ROBO1: variants seen among roughly 807,000 people sequenced by gnomAD.
ROBO1 encodes the protein roundabout homolog 1.
Under a neutral mutation model 195.9 loss-of-function variants are expected in ROBO1, and 149 were observed. That is an observed-to-expected ratio of 0.76 (90% CI 0.67 to 0.87). ROBO1 has a LOEUF of 0.87. Ranked by LOEUF, ROBO1 falls within the 40% of genes least tolerant of loss-of-function variation. ROBO1 has a pLI of 0.00. For synonymous variants in ROBO1, 816 were observed against 733.2 expected, an observed-to-expected ratio of 1.11 and a Z score of -1.82; for missense variants, 1,933 against 2,068.3, an observed-to-expected ratio of 0.93 and a Z score of 1.27.
At chr3:79,609,158 T>C (rs190441001) in intron 1 of ROBO1, among the ~76,000 whole-genome samples, 2 of 151,986 alleles carry the variant, frequency 1.3e-5, no homozygotes, top group East Asian at 3.9e-4. Context: ...TATTTTGTTT[T>C]AGCAGCACAA....
At chr3:79,484,753 A>ATTTTTTTTTTTTTTTTTTTTT (rs1402757273) in intron 2 of ROBO1, among the ~76,000 whole-genome samples, 1 of 17,696 alleles carries the variant, frequency 5.7e-5, no homozygotes, top group Non-Finnish European at 1.0e-4. Flanking sequence ...TCATTGCACT[A>ATTTTTTTTTTTTTTTTTTTTT]TCTTTTTTTT....
chr3:79,692,378 T>C (rs1261705778), intron 1 of ROBO1, among the ~76,000 whole-genome samples: 1 of 151,850 alleles, frequency 6.6e-6, no homozygotes, highest in African/African-American at 2.4e-5. Context: ...AGCTTAGAGT[T>C]AGAGAAAGAT....
chr3:79,199,419 C>A (rs1022472282), intron 2 of ROBO1, among the ~76,000 whole-genome samples: 12 of 151,760 alleles, frequency 7.9e-5, no homozygotes, highest in Non-Finnish European at 1.3e-4. Flanking sequence ...TTTGGGAGAA[C>A]TGACTATCAC....
intron 2 of ROBO1, among the ~76,000 whole-genome samples, chr3:79,229,740 AT>A (rs1258463795): frequency 6.6e-6 from 1 of 152,114 alleles, no homozygotes; most frequent in African/African-American, 2.4e-5. Flanking sequence ...TTTGAAAGTT[AT>A]TTTGTGACAT....
intron 2 of ROBO1, among the ~76,000 whole-genome samples, chr3:79,539,726 C>T (rs1941996479): frequency 6.6e-6 from 1 of 151,968 alleles, no homozygotes; most frequent in African/African-American, 2.4e-5. Context: ...CACTGTTAAT[C>T]GTTTTCATCC....
At chr3:78,860,326 A>ATATATATATATATATATATATATATAT (rs376853384) in intron 4 of ROBO1, among the ~76,000 whole-genome samples, 1 of 93,506 alleles carries the variant, frequency 1.1e-5, no homozygotes, top group African/African-American at 4.5e-5. Context: ...ATATATATAT[A>ATATATATATATATATATATATATATAT]TTTTTTTTTT....
intron 1 of ROBO1, among the ~76,000 whole-genome samples, chr3:79,654,790 A>C (rs1157849065): frequency 6.6e-6 from 1 of 151,580 alleles, no homozygotes; most frequent in Non-Finnish European, 1.5e-5. Flanking sequence ...TATCATTTTG[A>C]TTTAAATCCT....
chr3:78,900,158 G>T (rs1179095857), intron 4 of ROBO1, among the ~76,000 whole-genome samples: 1 of 152,118 alleles, frequency 6.6e-6, no homozygotes, highest in Non-Finnish European at 1.5e-5. Flanking sequence ...AAAAAGTTCA[G>T]TTACACATAA....
At chr3:79,723,307 T>C (rs1702779958) in intron 1 of ROBO1, among the ~76,000 whole-genome samples, 1 of 152,184 alleles carries the variant, frequency 6.6e-6, no homozygotes, top group Middle Eastern at 3.2e-3. Context: ...GTCTATCAAC[T>C]CTCTGACATT....
intron 4 of ROBO1, among the ~76,000 whole-genome samples, chr3:78,757,355 A>C (rs911403308): frequency 2.2e-4 from 33 of 152,170 alleles, no homozygotes; most frequent in African/African-American, 7.5e-4. Context: ...AAAGACACAC[A>C]TATCTTTTAA....
intron 4 of ROBO1, among the ~76,000 whole-genome samples, chr3:78,899,541 G>A (rs2037457813): frequency 6.6e-6 from 1 of 152,010 alleles, no homozygotes; most frequent in Admixed American, 6.6e-5. Context: ...GGGAAAACTG[G>A]GAATGTTTGC....
At chr3:78,996,581 T>C (rs1193288876) in intron 3 of ROBO1, among the ~76,000 whole-genome samples, 1 of 152,068 alleles carries the variant, frequency 6.6e-6, no homozygotes, top group Non-Finnish European at 1.5e-5. Context: ...CACTGGTAAA[T>C]TTAGTCGACA....
chr3:79,055,245 G>T (rs1391173003), intron 3 of ROBO1, among the ~76,000 whole-genome samples: 2 of 152,094 alleles, frequency 1.3e-5, no homozygotes, highest in Non-Finnish European at 2.9e-5. Context: ...TGAGTCAATT[G>T]CTCAACTGCT....
chr3:79,489,986 A>G (rs571970498), intron 2 of ROBO1, among the ~76,000 whole-genome samples: 1 of 152,302 alleles, frequency 6.6e-6, no homozygotes, highest in Non-Finnish European at 1.5e-5. Context: ...TTGATCTTTG[A>G]AAGAGACTCC....
chr3:78,898,160 G>T (rs2037353149), intron 4 of ROBO1, among the ~76,000 whole-genome samples: 1 of 148,110 alleles, frequency 6.8e-6, no homozygotes, highest in Admixed American at 6.8e-5. Context: ...TATATATGTT[G>T]ATTCCCTTTA....
intron 2 of ROBO1, among the ~76,000 whole-genome samples, chr3:79,326,010 C>T (rs548267200): frequency 6.6e-6 from 1 of 152,130 alleles, no homozygotes; most frequent in South Asian, 2.1e-4. Context: ...TGGGTGTGGC[C>T]GTCTACTATG....
At chr3:79,211,555 C>T (rs987970603) in intron 2 of ROBO1, among the ~76,000 whole-genome samples, 2 of 152,108 alleles carry the variant, frequency 1.3e-5, no homozygotes, top group African/African-American at 4.8e-5. Flanking sequence ...TTCTCTCAAA[C>T]TCTACTAAGA....
chr3:79,557,226 C>A (rs549609704), intron 2 of ROBO1, among the ~76,000 whole-genome samples: 1 of 151,936 alleles, frequency 6.6e-6, no homozygotes, highest in South Asian at 2.1e-4. Context: ...CTGCAGATAT[C>A]AAGTATTTGA....
intron 3 of ROBO1, among the ~76,000 whole-genome samples, chr3:79,122,172 T>G (rs965790425): frequency 6.6e-6 from 1 of 152,046 alleles, no homozygotes; most frequent in East Asian, 1.9e-4. Context: ...AAGTGCTGAT[T>G]TGAAACCTCT....
Sources: gnomAD v4.1 joint callset for allele counts (sites outside exome capture counted in the v4.1 genomes callset) on GRCh38, gnomAD v4.1.1 for gene constraint, MANE v1.5 for transcripts, NCBI Gene and HGNC (gene_info 2026-07-23, HGNC 2026-07-21) for gene names.